SLC35D4: variants seen among roughly 807,000 people sequenced by gnomAD.
The protein encoded by SLC35D4 is UDP-N-acetylglucosamine transporter SLC35D4.
chr18:23,345,858 A>G, the SLC35D4 span, among the ~76,000 whole-genome samples: 1 of 152,152 alleles, frequency 6.6e-6, no homozygotes, highest in South Asian at 2.1e-4. Context: ...ATAGTTTTCA[A>G]TGTATAAATG....
the SLC35D4 span, among the ~76,000 whole-genome samples, chr18:23,411,483 T>TAA: frequency 8.7e-5 from 8 of 91,730 alleles, no homozygotes; most frequent in Non-Finnish European, 1.6e-4. Context: ...AAGAAAGAGA[T>TAA]AGAAAGAAAG....
chr18:23,283,265 T>C, the SLC35D4 span, among the ~76,000 whole-genome samples: 2 of 151,460 alleles, frequency 1.3e-5, no homozygotes, highest in Admixed American at 6.6e-5. Flanking sequence ...CGTGGGAGGA[T>C]TGCTTGAGCT....
At chr18:23,378,774 A>C in the SLC35D4 span, among the ~76,000 whole-genome samples, 1 of 152,196 alleles carries the variant, frequency 6.6e-6, no homozygotes, top group Non-Finnish European at 1.5e-5. Context: ...AACAAACTAC[A>C]ATTTTTGATG....
the SLC35D4 span, among the ~76,000 whole-genome samples, chr18:23,251,175 G>A: frequency 7.2e-5 from 11 of 152,200 alleles, no homozygotes; most frequent in African/African-American, 1.9e-4. Flanking sequence ...CATGTAGGCC[G>A]GGCACGGTTG....
chr18:23,371,503 C>A, the SLC35D4 span: 3 of 1,555,978 alleles, frequency 1.9e-6, no homozygotes, highest in South Asian at 1.2e-5. Context: ...GAAAAAATGG[C>A]TATAAGTGCA....
the SLC35D4 span, chr18:23,370,170 A>T: frequency 6.5e-7 from 1 of 1,543,638 alleles, no homozygotes; most frequent in Non-Finnish European, 8.8e-7. Flanking sequence ...TTGCACTCCA[A>T]CAAGAGCTAA....
At chr18:23,367,574 T>A in the SLC35D4 span, among the ~76,000 whole-genome samples, 2 of 152,104 alleles carry the variant, frequency 1.3e-5, no homozygotes, top group Non-Finnish European at 2.9e-5. Flanking sequence ...CCTTTTCCCC[T>A]CTGTGGCATC....
chr18:23,275,508 C>A, the SLC35D4 span, among the ~76,000 whole-genome samples: 1 of 152,084 alleles, frequency 6.6e-6, no homozygotes, highest in Admixed American at 6.6e-5. Flanking sequence ...AGGGGCTTCG[C>A]GAGAACAAGC....
At chr18:23,280,055 C>G in the SLC35D4 span, among the ~76,000 whole-genome samples, 2 of 152,188 alleles carry the variant, frequency 1.3e-5, no homozygotes, top group African/African-American at 4.8e-5. Context: ...TACGGCAGCC[C>G]TAGGAAATGA....
At chr18:23,350,808 C>T in the SLC35D4 span, among the ~76,000 whole-genome samples, 1 of 152,130 alleles carries the variant, frequency 6.6e-6, no homozygotes, top group Admixed American at 6.6e-5. Flanking sequence ...GCCTCGCCTG[C>T]TCTGGTTGAA....
At chr18:23,356,741 A>C in the SLC35D4 span, 11 of 1,369,532 alleles carry the variant, frequency 8.0e-6, no homozygotes, top group African/African-American at 1.3e-4. This position sits in a 1 kb window ranked among gnomAD's most constrained non-coding sequence, Gnocchi z 4.1. Flanking sequence ...CAGGAAATGC[A>C]AGGAAGGCGT....
chr18:23,282,344 A>G, the SLC35D4 span, among the ~76,000 whole-genome samples: 1 of 152,070 alleles, frequency 6.6e-6, no homozygotes, highest in Admixed American at 6.5e-5. Context: ...GAACTGGCCT[A>G]GGTTTATATG....
chr18:23,339,182 C>T, the SLC35D4 span, among the ~76,000 whole-genome samples: 1 of 152,326 alleles, frequency 6.6e-6, no homozygotes, highest in East Asian at 1.9e-4. Context: ...TGAGCCACCA[C>T]ACCTAGCCTA....
chr18:23,390,793 T>C, the SLC35D4 span, among the ~76,000 whole-genome samples: 1 of 152,204 alleles, frequency 6.6e-6, no homozygotes, highest in African/African-American at 2.4e-5. Context: ...CAATCCTACC[T>C]TTCTATTTGG....
At chr18:23,426,329 C>T in the SLC35D4 span, among the ~76,000 whole-genome samples, 1 of 152,070 alleles carries the variant, frequency 6.6e-6, no homozygotes, top group Non-Finnish European at 1.5e-5. Context: ...ACAGGTTGAG[C>T]TCCTTAAAAT....
chr18:23,273,148 G>C, the SLC35D4 span, among the ~76,000 whole-genome samples: 2 of 152,328 alleles, frequency 1.3e-5, no homozygotes, highest in East Asian at 3.9e-4. Flanking sequence ...TTTTAAATGG[G>C]AAAGACTTGA....
chr18:23,380,445 T>C, the SLC35D4 span, among the ~76,000 whole-genome samples: 1 of 152,130 alleles, frequency 6.6e-6, no homozygotes, highest in African/African-American at 2.4e-5. Context: ...CTTCCCATCC[T>C]GCCTGACTCA....
chr18:23,257,818 C>CT, the SLC35D4 span: 1 of 154,642 alleles, frequency 6.5e-6, no homozygotes, highest in African/African-American at 2.4e-5. Flanking sequence ...AAGAGTGTGC[C>CT]AATCTATTTT....
chr18:23,304,194 G>A, the SLC35D4 span, among the ~76,000 whole-genome samples: 1 of 148,582 alleles, frequency 6.7e-6, no homozygotes, highest in South Asian at 2.1e-4. Context: ...GGAGAATGGT[G>A]TGAACCCAGG....
Sources: gnomAD v4.1 joint callset for allele counts (sites outside exome capture counted in the v4.1 genomes callset) on GRCh38, gnomAD v4.1.1 for gene constraint, Gnocchi (gnomAD v3.1) non-coding constraint, MANE v1.5 for transcripts, NCBI Gene and HGNC (gene_info 2026-07-23, HGNC 2026-07-21) for gene names.